UBA52: variants seen among roughly 807,000 people sequenced by gnomAD.
UBA52 encodes the protein ubiquitin A-52 residue ribosomal protein fusion product 1.
A neutral mutation model predicts 15.3 loss-of-function variants in UBA52; 1 was observed. The observed-to-expected ratio is 0.07, with a 90% CI of 0.02 to 0.31. The LOEUF (loss-of-function observed/expected upper bound fraction) is 0.31. Among genes scored for constraint, UBA52 ranks in the 10% least tolerant of loss-of-function variants. The pLI is 1.00. For synonymous variants in UBA52, 50 were observed against 58.3 expected (o/e 0.86, Z 0.65); for missense variants, 87 against 168.0 (o/e 0.52, Z 2.66).
rs1377617052 is a variant in UBA52, at chr19:18,575,082, G to T, written c.319G>T (p.Ala107Ser). The change falls in exon 5 of 5, where the codon GCT becomes TCT. Residue 107 changes from alanine (A) to serine (S), a missense_variant. By Grantham distance (99) the Ala-to-Ser change is moderately conservative. Transcript: ENST00000442744. ...RKCYARLHPRAVNCRKKKCGH... is the reference protein window; with the variant it reads ...RKCYARLHPRSVNCRKKKCGH... ...GTGCTATGCTCGCCTTCACCCTCGTGCTGTCAACTGCCGCAAGAAGAAGTG... is the reference window on the plus strand; with the variant it reads ...GTGCTATGCTCGCCTTCACCCTCGTTCTGTCAACTGCCGCAAGAAGAAGTG... 7 of 1,614,092 alleles carry T rather than the reference G, an allele frequency of 4.3e-6. No homozygotes were observed. The highest frequency in any genetic ancestry group is 1.7e-5 in the Admixed American group (1 of 59,996).
the UBA52 span, among the ~76,000 whole-genome samples, chr19:18,565,894 C>T: frequency 6.6e-6 from 1 of 152,092 alleles, no homozygotes; most frequent in Non-Finnish European, 1.5e-5. Flanking sequence ...CACCGTGTTG[C>T]CCAGGCTAGT....
upstream of UBA52, among the ~76,000 whole-genome samples, chr19:18,569,865 C>A (rs1262442034): frequency 6.6e-6 from 1 of 152,062 alleles, no homozygotes; most frequent in African/African-American, 2.4e-5. Flanking sequence ...GAAACCCCAT[C>A]TCTACCAAAA....
upstream of UBA52, among the ~76,000 whole-genome samples, chr19:18,570,477 C>T (rs1245267947): frequency 7.0e-6 from 1 of 143,712 alleles, no homozygotes. Context: ...GCTGGGATTA[C>T]AAGTGTGAAC....
chr19:18,575,484 T>C lies in UBA52; in HGVS notation c.*334T>C, dbSNP rs774072608. 36 of 364,456 alleles carry C rather than the reference T, an allele frequency of 9.9e-5. No individual in the cohort carries two copies. Among genetic ancestry groups the C allele is most frequent in the Non-Finnish European group, 1.6e-4 (31 of 191,680 alleles). The allele number at this position is 364,456 out of a possible 1,614,324, so 22.6% of individuals were successfully genotyped here. A position where few individuals can be genotyped will look rare whatever the true frequency, so the allele number is the denominator to read the frequency against. The stretch of plus-strand genomic sequence containing the variant: ...ATCAGTTTTGTCATTGCTGGGATCC[T>C]GTCAGGCACTTTGAGGTGTCCCTCA... On this transcript the variant is annotated 3_prime_UTR_variant, in exon 5 of 5. Coordinates refer to ENST00000442744, the MANE Select transcript of UBA52 (RefSeq NM_001033930.3).
chr19:18,568,097 G>A (rs577348535), upstream of UBA52, among the ~76,000 whole-genome samples: 4 of 152,162 alleles, frequency 2.6e-5, no homozygotes, highest in Admixed American at 2.0e-4. Context: ...GAGAAACCCC[G>A]TCTCTAGTAA....
Position 18,575,165 on chromosome 19 carries a change from T to C in UBA52, c.*15T>C. The C allele has an allele frequency of 3.7e-6, 6 of 1,614,038 alleles. No individual in the cohort carries two copies. Among genetic ancestry groups the C allele is most frequent in the Non-Finnish European group, 4.2e-6 (5 of 1,180,012 alleles). On this transcript the variant is annotated 3_prime_UTR_variant, in exon 5 of 5. Coordinates refer to ENST00000442744, the MANE Select transcript of UBA52 (RefSeq NM_001033930.3). The stretch of plus-strand genomic sequence containing the variant: ...AGGTCAAATAAGGTGGTTCTTTCCT[T>C]GAAGGGCAGCCTCCTGCCCAGGCCC...
the UBA52 span, chr19:18,565,189 A>G: frequency 7.1e-7 from 1 of 1,403,854 alleles, no homozygotes; most frequent in Admixed American, 2.9e-5. Flanking sequence ...TAAAATCTTG[A>G]CGTAAGTTTA....
chr19:18,565,230 G>GTTTT, the UBA52 span: 123 of 1,089,740 alleles, frequency 1.1e-4, no homozygotes, highest in South Asian at 2.8e-4. Context: ...TCGAGACAGA[G>GTTTT]TTTTTTTTTT....
chr19:18,567,098 A>G (rs1049237311), upstream of UBA52: 1 of 1,610,948 alleles, frequency 6.2e-7, no homozygotes, highest in Non-Finnish European at 8.5e-7. Flanking sequence ...CCTGCTCAGC[A>G]GGTTAAGCCC....
chr19:18,570,507 CTTTTTTTT>C (rs1555752289), upstream of UBA52, among the ~76,000 whole-genome samples: 1 of 44,812 alleles, frequency 2.2e-5, no homozygotes, highest in African/African-American at 6.6e-5. Context: ...CGCCGTGGCA[CTTTTTTTT>C]TTTTTTTTTT....
chr19:18,573,625 T>C (rs1975621608), intron 2 of UBA52, 37 bp from the exon 3 acceptor site: 2 of 1,605,892 alleles, frequency 1.2e-6, no homozygotes, highest in African/African-American at 1.3e-5. Context: ...AGTAATATGG[T>C]CCGCAGAGCC....
chr19:18,566,695 A>G, the UBA52 span, among the ~76,000 whole-genome samples: 2 of 151,696 alleles, frequency 1.3e-5, no homozygotes, highest in Non-Finnish European at 2.9e-5. Context: ...TGGGAGGCTG[A>G]GGGAGGACAA....
At chr19:18,567,329 T>G (rs1600594408), upstream of UBA52, 2 of 769,222 alleles carry the variant, frequency 2.6e-6, no homozygotes, top group Non-Finnish European at 4.4e-6. Context: ...AGGGTCAGGG[T>G]GCTGGCCTGG....
chr19:18,568,669 C>A, upstream of UBA52: 1 of 1,514,608 alleles, frequency 6.6e-7, no homozygotes, highest in Admixed American at 1.7e-5. Flanking sequence ...CTCAGGGCAG[C>A]AGCATACAAG....
upstream of UBA52, chr19:18,568,436 T>C: frequency 6.2e-7 from 1 of 1,614,100 alleles, no homozygotes; most frequent in Admixed American, 1.7e-5. Flanking sequence ...AGGAAGAGGA[T>C]GAAGACCCCA....
At chr19:18,564,771 T>C in the UBA52 span, 1 of 1,369,178 alleles carries the variant, frequency 7.3e-7, no homozygotes, top group Admixed American at 1.8e-5. Context: ...GCAAAGGTTG[T>C]GAAGCAGGCA....
intron 1 of UBA52, chr19:18,572,184 T>TG (rs1332308743): frequency 1.3e-5 from 2 of 152,292 alleles, no homozygotes; most frequent in Non-Finnish European, 2.9e-5. Context: ...AGAGGGGTAT[T>TG]GAGCGTGTAG....
upstream of UBA52, among the ~76,000 whole-genome samples, chr19:18,567,656 G>T (rs1174491826): frequency 6.6e-6 from 1 of 152,196 alleles, no homozygotes; most frequent in Non-Finnish European, 1.5e-5. Flanking sequence ...CATCTGTCTG[G>T]CTAGAGAGCT....
chr19:18,568,317 C>T, upstream of UBA52: 1 of 982,052 alleles, frequency 1.0e-6, no homozygotes, highest in Middle Eastern at 2.1e-4. Flanking sequence ...GTGAGGGCAG[C>T]CGTTAGGGGT....
Sources: allele counts gnomAD v4.1 joint callset (sites outside exome capture counted in the v4.1 genomes callset), GRCh38; gene constraint gnomAD v4.1.1; transcripts MANE v1.5; gene names NCBI Gene and HGNC (gene_info 2026-07-23, HGNC 2026-07-21).